The following NOTCH3 variants were observed in gnomAD, a reference collection of about 807,000 sequenced individuals.
The protein encoded by NOTCH3 is notch receptor 3.
Under a neutral mutation model 213.3 loss-of-function variants are expected in NOTCH3, and 86 were observed. The ratio of observed to expected loss-of-function variants is 0.40; its 90% CI spans 0.34 to 0.48. The LOEUF (loss-of-function observed/expected upper bound fraction) is 0.48, where lower values mean the gene tolerates loss of function less well. Ranked by LOEUF, NOTCH3 falls within the 20% of genes least tolerant of loss-of-function variation. NOTCH3 has a pLI of 0.57. For synonymous variants in NOTCH3, 1,354 were observed against 1,355.9 expected, an observed-to-expected ratio of 1.00 and a Z score of 0.03; for missense variants, 2,783 against 3,272.6, an observed-to-expected ratio of 0.85 and a Z score of 3.65.
Position 15,161,520 on chromosome 19 carries a change from G to A in NOTCH3, c.6108C>T (p.Pro2036=). ...GACAGAGCAGAGGCCCCAGGCCGTGGGGACCGGGGGGGCTGCGGGGCCCAC... is the reference window on the plus strand; with the variant it reads ...GACAGAGCAGAGGCCCCAGGCCGTGAGGACCGGGGGGGCTGCGGGGCCCAC... ...QPSGPRSPPG[P]HGLGPLLCPP... The change falls in exon 33 of 33, where the codon CCC becomes CCT. Residue 2036 remains proline (P), a synonymous_variant. Coordinates refer to ENST00000263388, the MANE Select transcript of NOTCH3 (RefSeq NM_000435.3). 1 of 1,598,144 alleles carries A rather than the reference G, an allele frequency of 6.3e-7. No homozygotes were observed. Among genetic ancestry groups the A allele is most frequent in the Non-Finnish European group, 8.5e-7 (1 of 1,172,566 alleles).
In NOTCH3 at chr19:15,165,725, CA is replaced by C; in HGVS notation, c.5667+61del. 1 of 1,577,428 alleles carries C rather than the reference CA, an allele frequency of 6.3e-7. No homozygotes were observed. Among genetic ancestry groups the C allele is most frequent in the South Asian group, 1.1e-5 (1 of 90,158 alleles). On this transcript the variant is annotated intron_variant, in intron 30 of 32. Coordinates refer to ENST00000263388, the MANE Select transcript of NOTCH3 (RefSeq NM_000435.3). The surrounding 1 kb of genome is among the most constrained non-coding windows in gnomAD (Gnocchi z 4.7). Reference sequence around the variant, plus strand: ...GAGTCTGAAAGGCAGAACTGGGGCTCAAACCCAGGTAAGTCTAATGCCTGCC... The same window carrying C: ...GAGTCTGAAAGGCAGAACTGGGGCTCAACCCAGGTAAGTCTAATGCCTGCC...
rs754537422 is a variant in NOTCH3 at position 15,165,500 on chromosome 19, G to A, written c.5683C>T (p.Arg1895Cys). Reference protein sequence around the residue: ...QGVFQILIRNRSTDLDARMAD... With the variant: ...QGVFQILIRNCSTDLDARMAD... ...ATGCGGGCATCCAAGTCTGTAGAGC[G>A]GTTTCGGATGAGAATCTAGGACAGA... is the stretch of plus-strand genomic sequence containing the variant. Residue 1895 changes from arginine to cysteine, a missense_variant, in exon 31 of 33, where the codon CGC becomes TGC. Around this residue, in one of 6 missense-constraint regions of NOTCH3, gnomAD observed 636 missense variants for 801.8 expected, o/e 0.79. Coordinates refer to ENST00000263388, the MANE Select transcript of NOTCH3 (RefSeq NM_000435.3). The surrounding 1 kb of genome is among the most constrained non-coding windows in gnomAD (Gnocchi z 4.7). The A allele has an allele frequency of 5.6e-6, 9 of 1,612,354 alleles. No homozygotes were observed. The highest frequency in any genetic ancestry group is 1.1e-5 in the South Asian group (1 of 91,080).
Position 15,188,298 on chromosome 19 carries a change from G to C in NOTCH3, c.1429C>G (p.Pro477Ala), listed in dbSNP as rs752542932. The change falls in exon 9 of 33, where the codon CCC becomes GCC. Residue 477 changes from proline to alanine, a missense_variant. This residue lies in a region of NOTCH3 where 708 missense variants were observed against 906.6 expected (regional missense o/e 0.78). Transcript: ENST00000263388. The part of the protein sequence containing the change: ...EVDIDECQSS[P>A]CVNGGVCKDR... ...TTGCAGACCCCACCGTTGACACAGG[G>C]GCTACTCTGACACTCGTCAATGTCC... The C allele has an allele frequency of 6.2e-7, 1 of 1,607,794 alleles. No individual in the cohort carries two copies. Among genetic ancestry groups the C allele is most frequent in the South Asian group, 1.1e-5 (1 of 89,658 alleles).
intron 16 of NOTCH3, among the ~76,000 whole-genome samples, chr19:15,183,879 C>T (rs977846250): frequency 7.2e-5 from 11 of 151,768 alleles, no homozygotes; most frequent in African/African-American, 2.4e-4. Flanking sequence ...GGCGAAACTC[C>T]GTCTCTACAA....
Position 15,180,705 on chromosome 19 carries a change from AG to A in NOTCH3, c.3117del (p.Cys1040AlafsTer232). 1 of 1,561,926 alleles carries A rather than the reference AG, an allele frequency of 6.4e-7. No individual in the cohort carries two copies. The highest frequency in any genetic ancestry group is 8.7e-7 in the Non-Finnish European group (1 of 1,154,240). On this transcript the variant is annotated frameshift_variant, in exon 19 of 33. Coordinates refer to ENST00000263388, the MANE Select transcript of NOTCH3 (RefSeq NM_000435.3). LOFTEE classifies it high-confidence loss of function. Reference sequence around the variant, plus strand: ...CCGATCTGGGCTGCGGCCTCCCTGCAGGGCAAGCTTCGGATGTCACAGAGGC... The same window carrying A: ...CCGATCTGGGCTGCGGCCTCCCTGCAGGCAAGCTTCGGATGTCACAGAGGC... ...SGRLCDIRSLPCREAAAQIGV... is the reference protein window; with the variant it reads ...SGRLCDIRSLXCREAAAQIGV...
intron 2 of NOTCH3, among the ~76,000 whole-genome samples, chr19:15,193,365 T>C (rs1321766496): frequency 6.6e-6 from 1 of 151,842 alleles, no homozygotes; most frequent in Non-Finnish European, 1.5e-5. Flanking sequence ...GCCTCCTGCG[T>C]AGCTGGGAGT....
intron 1 of NOTCH3, among the ~76,000 whole-genome samples, chr19:15,200,498 C>G (rs1422759282): frequency 6.6e-6 from 1 of 151,844 alleles, no homozygotes; most frequent in Non-Finnish European, 1.5e-5. Context: ...CTGTACGCAC[C>G]CCCCCACCTC....
At chr19:15,197,734 G>GCCCCCCC (rs5827279) in intron 1 of NOTCH3, among the ~76,000 whole-genome samples, 156 bp from the exon 2 acceptor site, 1 of 41,012 alleles carries the variant, frequency 2.4e-5, no homozygotes, top group African/African-American at 6.6e-5. Context: ...CAGTTCCCAC[G>GCCCCCCC]CCCCCCCCCC....
chr19:15,165,485 C>A lies in NOTCH3; in HGVS notation c.5698G>T (p.Asp1900Tyr). 1.2e-6 allele frequency: 2 copies of A among 1,612,954 alleles called. No homozygotes were observed. Among genetic ancestry groups the A allele is most frequent in the Non-Finnish European group, 1.7e-6 (2 of 1,180,020 alleles). The change falls in exon 31 of 33, where the codon GAT becomes TAT. Residue 1900 changes from aspartate (D) to tyrosine (Y), a missense_variant. Asp to Tyr is a radical substitution (Grantham distance 160). This residue lies in a region of NOTCH3 where 636 missense variants were observed against 801.8 expected (regional missense o/e 0.79). Coordinates refer to ENST00000263388, the MANE Select transcript of NOTCH3 (RefSeq NM_000435.3). The surrounding 1 kb of genome is among the most constrained non-coding windows in gnomAD (Gnocchi z 4.7). ...GTTGAGCCATCTGCCATGCGGGCAT[C>A]CAAGTCTGTAGAGCGGTTTCGGATG... is the stretch of plus-strand genomic sequence containing the variant. ...ILIRNRSTDL[D>Y]ARMADGSTAL...
intron 15 of NOTCH3, 63 bp downstream of exon 15, chr19:15,184,843 T>A (rs1469162125): frequency 3.1e-6 from 3 of 958,736 alleles, no homozygotes; most frequent in African/African-American, 1.6e-5. Flanking sequence ...CCCAGCATCA[T>A]CCCTGATAGG....
At chr19:15,176,015 G>A (rs925202275) in intron 24 of NOTCH3, among the ~76,000 whole-genome samples, 1 of 151,772 alleles carries the variant, frequency 6.6e-6, no homozygotes, top group African/African-American at 2.4e-5. Context: ...AGAGAGAGGG[G>A]CAGAAGAGGG....
intron 16 of NOTCH3, among the ~76,000 whole-genome samples, chr19:15,183,231 G>A (rs2046854228): frequency 6.6e-6 from 1 of 152,032 alleles, no homozygotes. Context: ...TCCAGCCTGG[G>A]CGACAGAGCC....
Position 15,185,107 on chromosome 19 carries a change from C to T in NOTCH3, c.2297-88G>A. ...CCCCACCTCCCCCAACCCCAGGGTCCCCACCTTGATACCCACCTCCCAAGC... is the reference window on the plus strand; with the variant it reads ...CCCCACCTCCCCCAACCCCAGGGTCTCCACCTTGATACCCACCTCCCAAGC... On this transcript the variant is annotated intron_variant, in intron 14 of 32. Transcript: ENST00000263388. The surrounding 1 kb of genome is among the most constrained non-coding windows in gnomAD (Gnocchi z 4.2). The T allele has an allele frequency of 1.6e-6, 2 of 1,287,754 alleles. No individual in the cohort carries two copies. Among genetic ancestry groups the T allele is most frequent in the Admixed American group, 2.1e-5 (1 of 46,962 alleles). The allele number at this position is 1,287,754 out of a possible 1,614,324, so 79.8% of individuals were successfully genotyped here.
In NOTCH3 at chr19:15,189,286, G is replaced by A. The variant is rs753211079; in HGVS notation, c.1179C>T (p.Asp393=). ...AGCTCCCCTCACCGATAGAGCACTCGTCCACATCCTGGTCACATGCCCCAC... is the reference window on the plus strand; with the variant it reads ...AGCTCCCCTCACCGATAGAGCACTCATCCACATCCTGGTCACATGCCCCAC... ...FTGGACDQDV[D]ECSIGANPCE... Residue 393 remains aspartate, a synonymous_variant, in exon 7 of 33, where the codon GAC becomes GAT. Coordinates refer to ENST00000263388, the MANE Select transcript of NOTCH3 (RefSeq NM_000435.3). The A allele has an allele frequency of 7.4e-6, 12 of 1,614,038 alleles. No homozygotes were observed. The highest frequency in any genetic ancestry group is 1.0e-5 in the Non-Finnish European group (12 of 1,180,008).
intron 12 of NOTCH3, among the ~76,000 whole-genome samples, chr19:15,186,120 G>A (rs1421701736): frequency 6.6e-6 from 1 of 151,798 alleles, no homozygotes; most frequent in African/African-American, 2.4e-5. Context: ...TGACTAATCT[G>A]GCTTTGGGAG....
In NOTCH3 at chr19:15,184,362, G is replaced by A. The variant is rs369602372; in HGVS notation, c.2499C>T (p.Phe833=). Residue 833 remains phenylalanine (F), a synonymous_variant, in exon 16 of 33, where the codon TTC becomes TTT. Transcript: ENST00000263388. ...HGICTNLAGS[F]SCTCHGGYTG... ...TGTACCCTCCATGGCAGGTGCAGCT[G>A]AAACTCCCTGCCAGGTTGGTGCAGA... The A allele has an allele frequency of 3.1e-5, 50 of 1,613,730 alleles. No individual in the cohort carries two copies. The highest frequency in any genetic ancestry group is 4.2e-5 in the Non-Finnish European group (50 of 1,179,940).
Position 15,179,214 on chromosome 19 carries a change from G to A in NOTCH3, c.3529C>T (p.Leu1177=). The A allele has an allele frequency of 6.2e-7, 1 of 1,614,064 alleles. No individual in the cohort carries two copies. The highest frequency in any genetic ancestry group is 1.1e-5 in the South Asian group (1 of 91,080). Residue 1177 remains leucine, a synonymous_variant, in exon 22 of 33, where the codon CTA becomes TTA. Coordinates refer to ENST00000263388, the MANE Select transcript of NOTCH3 (RefSeq NM_000435.3). ...AGGTCCACGCAGGTGCCATTGTGTA[G>A]GCACCGGGGCCCTGAGTCCAGCGGT... ...GPPLDSGPRC[L]HNGTCVDLVG...
rs2145440113 is a variant in NOTCH3 at position 15,191,605 on chromosome 19, G to A, written c.855C>T (p.Cys285=). 1.9e-6 allele frequency: 3 copies of A among 1,613,458 alleles called. No homozygotes were observed. Among genetic ancestry groups the A allele is most frequent in the Non-Finnish European group, 2.5e-6 (3 of 1,180,028 alleles). The change falls in exon 6 of 33, where the codon TGC becomes TGT. Residue 285 remains cysteine (C), a synonymous_variant. Coordinates refer to ENST00000263388, the MANE Select transcript of NOTCH3 (RefSeq NM_000435.3). ...TGTTGAAGCAGGTACCCCCATTGTG[G>A]CAGGCGTTGGGCTGCAGCTGACACT... ...VDECQLQPNA[C]HNGGTCFNTL... is the part of the protein sequence containing the mutation.
At position 15,170,789 on chromosome 19, in the gene NOTCH3, G is replaced by A. The variant is rs923367334; in HGVS notation, c.4773C>T (p.Cys1591=). ...AGTGATCATTCTCAGGCGACTGCAGGCAGAGCCGGTTGTCAATCTCCAGCA... is the reference window on the plus strand; with the variant it reads ...AGTGATCATTCTCAGGCGACTGCAGACAGAGCCGGTTGTCAATCTCCAGCA... ...VVMLEIDNRL[C]LQSPENDHCF... is the part of the protein sequence containing the mutation. The change falls in exon 26 of 33, where the codon TGC becomes TGT. Residue 1591 remains cysteine (C), a synonymous_variant. Coordinates refer to ENST00000263388, the MANE Select transcript of NOTCH3 (RefSeq NM_000435.3). 6.2e-7 allele frequency: 1 copy of A among 1,613,448 alleles called. No individual in the cohort carries two copies. The highest frequency in any genetic ancestry group is 8.5e-7 in the Non-Finnish European group (1 of 1,179,922).
Sources: gnomAD v4.1 joint callset for allele counts (sites outside exome capture counted in the v4.1 genomes callset) on GRCh38, gnomAD v4.1.1 for gene constraint, gnomAD v4.1.1 regional missense constraint, Gnocchi (gnomAD v3.1) non-coding constraint, MANE v1.5 for transcripts, NCBI Gene and HGNC (gene_info 2026-07-23, HGNC 2026-07-21) for gene names.